Variants in FAT3 observed in about 807,000 individuals in gnomAD.
FAT3 encodes protocadherin Fat 3.
FAT3 carries 95 observed loss-of-function variants against 310.2 expected under a neutral mutation model. That is an observed-to-expected ratio of 0.31 (90% CI 0.26 to 0.36). The LOEUF (loss-of-function observed/expected upper bound fraction) is 0.36. Among genes scored for constraint, FAT3 ranks in the 10% least tolerant of loss-of-function variants. The pLI, the probability that FAT3 is intolerant of heterozygous loss-of-function variation, is 1.00. For missense variants in FAT3, 5,408 were observed against 5,715.6 expected, an observed-to-expected ratio of 0.95 and a Z score of 1.74; for synonymous variants, 2,314 against 2,192.9, an observed-to-expected ratio of 1.06 and a Z score of -1.54.
intron 19 of FAT3, among the ~76,000 whole-genome samples, chr11:92,850,616 T>C (rs1948802664): frequency 6.6e-6 from 1 of 152,236 alleles, no homozygotes; most frequent in African/African-American, 2.4e-5. Flanking sequence ...GGACATGGCA[T>C]GTGGGTAAAG....
intron 4 of FAT3, among the ~76,000 whole-genome samples, chr11:92,752,152 G>A (rs987226201): frequency 3.3e-5 from 5 of 152,358 alleles, no homozygotes; most frequent in Middle Eastern, 3.4e-3. Flanking sequence ...CCATGCCTTT[G>A]TAGCAGGAAA....
intron 1 of FAT3, chr11:92,336,566 A>T (rs1426395807): frequency 1.2e-5 from 2 of 163,692 alleles, no homozygotes; most frequent in East Asian, 3.6e-4. Context: ...GATGATAAAG[A>T]TTTGATGCCT....
At chr11:92,445,693 C>T (rs1283189456) in intron 2 of FAT3, among the ~76,000 whole-genome samples, 1 of 152,036 alleles carries the variant, frequency 6.6e-6, no homozygotes, top group Non-Finnish European at 1.5e-5. Context: ...GCATTGTCTT[C>T]AACAAGGAAA....
In FAT3 at chr11:92,875,347, C is replaced by T. The variant is rs1265536865; in HGVS notation, c.12128-5384C>T. ...ACAGTTTGCTGCTCTTTCTGATAAA[C>T]AGAATGGGTAATGAAGTGTGGTTGT... is the stretch of plus-strand genomic sequence containing the variant. On this transcript the variant is annotated intron_variant, in intron 22 of 27. Coordinates refer to ENST00000525166, the MANE Select transcript of FAT3 (RefSeq NM_001367949.2). Among the ~76,000 whole-genome samples the T allele has an allele frequency of 2.7e-5, 4 of 146,580 alleles. No homozygotes were observed. The East Asian group carries it at 5.9e-4, about 22-fold the overall frequency.
intron 4 of FAT3, among the ~76,000 whole-genome samples, chr11:92,718,254 G>A (rs1944748854): frequency 6.6e-6 from 1 of 152,172 alleles, no homozygotes; most frequent in East Asian, 1.9e-4. Context: ...AAAAGTATAT[G>A]TAAAGGTTTA....
intron 3 of FAT3, among the ~76,000 whole-genome samples, chr11:92,677,055 T>A (rs1442394636): frequency 6.6e-6 from 1 of 152,208 alleles, no homozygotes; most frequent in Non-Finnish European, 1.5e-5. Flanking sequence ...GTGGTTAAAC[T>A]AGGTTATTAT....
intron 4 of FAT3, among the ~76,000 whole-genome samples, chr11:92,743,612 T>C (rs1474881259): frequency 6.6e-6 from 1 of 152,224 alleles, no homozygotes; most frequent in Non-Finnish European, 1.5e-5. Flanking sequence ...TGCCAAGCTG[T>C]GCATCCAGGC....
chr11:92,836,554 T>C lies in FAT3; in HGVS notation c.10087-12T>C, dbSNP rs762389869. 6.2e-7 allele frequency: 1 copy of C among 1,611,610 alleles called. No individual in the cohort carries two copies. Among genetic ancestry groups the C allele is most frequent in the Non-Finnish European group, 8.5e-7 (1 of 1,178,946 alleles). On this transcript the variant is annotated splice_polypyrimidine_tract_variant and intron_variant, in intron 15 of 27. Coordinates refer to ENST00000525166, the MANE Select transcript of FAT3 (RefSeq NM_001367949.2). Reference sequence around the variant, plus strand: ...TCATGTCTTTTCTTTGTTTTGCTTGTTTTCCATGAAGCTAATAGCAGAAGA... The same window carrying C: ...TCATGTCTTTTCTTTGTTTTGCTTGCTTTCCATGAAGCTAATAGCAGAAGA...
chr11:92,274,165 A>G (rs1163364174), intron 1 of FAT3, among the ~76,000 whole-genome samples: 34 of 152,110 alleles, frequency 2.2e-4, no homozygotes, highest in Admixed American at 2.0e-3. Flanking sequence ...TGAATTTTCA[A>G]ATTTTCTTCT....
At chr11:92,617,612 G>T (rs953970126) in intron 3 of FAT3, among the ~76,000 whole-genome samples, 4 of 152,142 alleles carry the variant, frequency 2.6e-5, no homozygotes, top group African/African-American at 9.7e-5. Flanking sequence ...CATCTTTATG[G>T]TTTTATCTAC....
chr11:92,584,975 G>A (rs1163828232), intron 3 of FAT3, among the ~76,000 whole-genome samples: 1 of 151,934 alleles, frequency 6.6e-6, no homozygotes, highest in Non-Finnish European at 1.5e-5. Flanking sequence ...AATATAAAAT[G>A]ATATCCCTTT....
intron 4 of FAT3, among the ~76,000 whole-genome samples, chr11:92,710,224 C>T (rs1944480511): frequency 6.6e-6 from 1 of 152,178 alleles, no homozygotes; most frequent in Non-Finnish European, 1.5e-5. Flanking sequence ...ACTGAGCGAT[C>T]CAGTGTTCTG....
At chr11:92,787,126 C>T (rs185984196) in intron 7 of FAT3, among the ~76,000 whole-genome samples, 46 of 152,138 alleles carry the variant, frequency 3.0e-4, no homozygotes, top group Non-Finnish European at 5.0e-4. Flanking sequence ...AAATGTCCCC[C>T]GGAAGACAAA....
chr11:92,749,677 C>A (rs1440500356), intron 4 of FAT3, among the ~76,000 whole-genome samples: 1 of 152,196 alleles, frequency 6.6e-6, no homozygotes, highest in South Asian at 2.1e-4. Context: ...TCGTACATTT[C>A]TCTACCTATG....
At chr11:92,560,967 A>G (rs1431507199) in intron 3 of FAT3, among the ~76,000 whole-genome samples, 1 of 152,238 alleles carries the variant, frequency 6.6e-6, no homozygotes, top group Non-Finnish European at 1.5e-5. Flanking sequence ...AAAAATGCCA[A>G]AAGAAGCTTT....
At chr11:92,337,754 G>A (rs1948129333) in intron 1 of FAT3, among the ~76,000 whole-genome samples, 1 of 152,212 alleles carries the variant, frequency 6.6e-6, no homozygotes, top group Non-Finnish European at 1.5e-5. Flanking sequence ...GAAAACAATA[G>A]TATAGTCTAT....
chr11:92,230,155 A>G (rs528156296), intron 1 of FAT3, among the ~76,000 whole-genome samples: 8 of 152,290 alleles, frequency 5.3e-5, no homozygotes, highest in African/African-American at 1.7e-4. Flanking sequence ...TAATAAAGGA[A>G]AGTTGTTTCT....
chr11:92,453,674 A>G (rs1387537450), intron 2 of FAT3, among the ~76,000 whole-genome samples: 1 of 152,188 alleles, frequency 6.6e-6, no homozygotes. Flanking sequence ...ATTCAACAAG[A>G]TAAAATAACT....
At chr11:92,761,456 C>T (rs534168924) in intron 4 of FAT3, among the ~76,000 whole-genome samples, 1 of 152,264 alleles carries the variant, frequency 6.6e-6, no homozygotes, top group East Asian at 1.9e-4. Context: ...ACTGGAAAGT[C>T]CAAGGTCAAC....
Sources: gnomAD v4.1 joint callset for allele counts (sites outside exome capture counted in the v4.1 genomes callset) on GRCh38, gnomAD v4.1.1 for gene constraint, MANE v1.5 for transcripts, NCBI Gene and HGNC (gene_info 2026-07-23, HGNC 2026-07-21) for gene names.